Variants in WSB2 observed in about 807,000 individuals in gnomAD.
WSB2 encodes WD repeat and SOCS box containing 2, also known as WD repeat and SOCS box-containing protein 2.
Under a neutral mutation model 48.8 loss-of-function variants are expected in WSB2, and 12 were observed. The observed-to-expected ratio is 0.25, with a 90% CI of 0.16 to 0.40. The LOEUF is 0.40. WSB2 is among the 10% of genes least tolerant of loss of function. The pLI, the probability that WSB2 is intolerant of heterozygous loss-of-function variation, is 1.00. For missense variants in WSB2, 317 were observed against 506.2 expected (o/e 0.63, Z 3.59); for synonymous variants, 191 against 203.1 (o/e 0.94, Z 0.51).
chr12:118,055,313 G>A (rs1027223212), intron 1 of WSB2, among the ~76,000 whole-genome samples: 38 of 152,112 alleles, frequency 2.5e-4, no homozygotes, highest in Non-Finnish European at 1.6e-4. Context: ...ACTCTACAGC[G>A]CACAGGACAG....
intron 1 of WSB2, among the ~76,000 whole-genome samples, chr12:118,059,063 C>T (rs1474230402): frequency 1.3e-5 from 2 of 152,134 alleles, no homozygotes; most frequent in Non-Finnish European, 2.9e-5. Flanking sequence ...TGAACCCACC[C>T]AAACTTGCCA....
At position 118,034,118 on chromosome 12, in the gene WSB2, G is replaced by GTT. The variant is rs1269546567; in HGVS notation, c.*76_*77dup. On this transcript the variant is annotated 3_prime_UTR_variant, in exon 9 of 9. Transcript: ENST00000315436. Reference sequence around the variant, plus strand: ...ATGCTATTTCAATGCAAGACCAGATGTTTGGCCCATTATTCCAGCAACTCC... The same window carrying GTT: ...ATGCTATTTCAATGCAAGACCAGATGTTTTTGGCCCATTATTCCAGCAACTCC... 3 of 1,567,212 alleles carry GTT rather than the reference G, an allele frequency of 1.9e-6. No individual in the cohort carries two copies. Among genetic ancestry groups the GTT allele is most frequent in the African/African-American group, 2.7e-5 (2 of 73,812 alleles).
chr12:118,036,313 G>A, intron 6 of WSB2, 25 bp downstream of exon 6: 2 of 1,603,726 alleles, frequency 1.2e-6, no homozygotes. Context: ...CCACAAAAAA[G>A]TCATAGCAGG....
intron 6 of WSB2, 46 bp from the exon 7 acceptor site, chr12:118,035,370 T>A: frequency 6.5e-7 from 1 of 1,541,084 alleles, no homozygotes; most frequent in Non-Finnish European, 9.0e-7. Context: ...TGATGGCTGC[T>A]CTCCACCCTC....
intron 4 of WSB2, among the ~76,000 whole-genome samples, chr12:118,038,956 A>T (rs1466108037): frequency 6.6e-6 from 1 of 152,148 alleles, no homozygotes; most frequent in African/African-American, 2.4e-5. Flanking sequence ...AATTGCATTA[A>T]AGGTTTCCTC....
At chr12:118,055,607 CTTTTTTTTT>C (rs748354611) in intron 1 of WSB2, among the ~76,000 whole-genome samples, 2 of 81,678 alleles carry the variant, frequency 2.4e-5, no homozygotes, top group Admixed American at 1.8e-4. Context: ...CTACATTATC[CTTTTTTTTT>C]TTTTTTTTTT....
chr12:118,053,450 G>A (rs951478941), intron 1 of WSB2, among the ~76,000 whole-genome samples: 2 of 151,994 alleles, frequency 1.3e-5, no homozygotes, highest in South Asian at 2.1e-4. Context: ...CTATCAAAAC[G>A]GAAATAAGTC....
chr12:118,043,233 C>T lies in WSB2; in HGVS notation c.327G>A (p.Lys109=). 1 of 1,614,198 alleles carries T rather than the reference C, an allele frequency of 6.2e-7. No homozygotes were observed. Among genetic ancestry groups the T allele is most frequent in the South Asian group, 1.1e-5 (1 of 91,088 alleles). Residue 109 remains lysine, a synonymous_variant, in exon 3 of 9, where the codon AAG becomes AAA. Transcript: ENST00000315436. ...CTTGGGGGTGGTGGCGTGCCCAGAG[C>T]TTCCTGCTGGGTGGGGAAGGCCACG... is the stretch of plus-strand genomic sequence containing the variant. ...FSPWPSPPSR[K]LWARHHPQVP...
At position 118,060,869 on chromosome 12, in the gene WSB2, G is replaced by C. The variant is rs1231721446; in HGVS notation, c.13+167C>G. Among the ~76,000 whole-genome samples, 3 of 151,092 alleles carry C rather than the reference G, an allele frequency of 2.0e-5. No individual in the cohort carries two copies. Among genetic ancestry groups the C allele is most frequent in the East Asian group, 2.0e-4 (1 of 5,116 alleles). ...AAAGTGAAACAAAGCTGGTCGCCGGGCGCGCACCCCCGCCGGCCCCGCGCG... is the reference window on the plus strand; with the variant it reads ...AAAGTGAAACAAAGCTGGTCGCCGGCCGCGCACCCCCGCCGGCCCCGCGCG... On this transcript the variant is annotated intron_variant, in intron 1 of 8. Coordinates refer to ENST00000315436, the MANE Select transcript of WSB2 (RefSeq NM_018639.5). This position sits in a 1 kb window ranked among gnomAD's most constrained non-coding sequence, Gnocchi z 4.1.
chr12:118,036,327 T>TC lies in WSB2; in HGVS notation c.833+10dup. On this transcript the variant is annotated intron_variant, in intron 6 of 8. Coordinates refer to ENST00000315436, the MANE Select transcript of WSB2 (RefSeq NM_018639.5). Reference sequence around the variant, plus strand: ...CCCACAAAAAAGTCATAGCAGGGATTCAGTCCTTACTGGAGTGACCTCAGC... The same window carrying TC: ...CCCACAAAAAAGTCATAGCAGGGATTCCAGTCCTTACTGGAGTGACCTCAGC... 1.2e-6 allele frequency: 2 copies of TC among 1,610,624 alleles called. No individual in the cohort carries two copies. The highest frequency in any genetic ancestry group is 1.7e-6 in the Non-Finnish European group (2 of 1,177,652).
Position 118,048,419 on chromosome 12 carries a change from CT to C in WSB2, c.182+3890del. Reference sequence around the variant, plus strand: ...CCTGGGCAACATGGTGAAAACTTGTCTCTTCTAAAAATACAAAAAAATTAGC... The same window carrying C: ...CCTGGGCAACATGGTGAAAACTTGTCCTTCTAAAAATACAAAAAAATTAGC... On this transcript the variant is annotated intron_variant, in intron 2 of 8. Coordinates refer to ENST00000315436, the MANE Select transcript of WSB2 (RefSeq NM_018639.5). 3.9e-5 allele frequency among the ~76,000 whole-genome samples: 6 copies of C among 151,948 alleles called. No individual in the cohort carries two copies. In the East Asian group the frequency reaches 7.8e-4, roughly 20 times the overall value.
chr12:118,038,428 C>A, intron 4 of WSB2, 40 bp from the exon 5 acceptor site: 2 of 1,592,080 alleles, frequency 1.3e-6, no homozygotes, highest in East Asian at 2.2e-5. Flanking sequence ...CAGTCCTCAA[C>A]AAAGCAGGAA....
At chr12:118,047,226 G>A (rs1055218369) in intron 2 of WSB2, among the ~76,000 whole-genome samples, 2 of 152,088 alleles carry the variant, frequency 1.3e-5, no homozygotes, top group African/African-American at 4.8e-5. Flanking sequence ...CTTTCCTGGG[G>A]TCACAAAATC....
chr12:118,048,159 C>A (rs2031780310), intron 2 of WSB2, among the ~76,000 whole-genome samples: 1 of 152,104 alleles, frequency 6.6e-6, no homozygotes, highest in African/African-American at 2.4e-5. Flanking sequence ...GAACTCCTAG[C>A]CTCAAGTGAT....
At position 118,042,926 on chromosome 12, in the gene WSB2, A is replaced by C; in HGVS notation, c.474T>G (p.Asp158Glu). 2 of 1,614,170 alleles carry C rather than the reference A, an allele frequency of 1.2e-6. No individual in the cohort carries two copies. Among genetic ancestry groups the C allele is most frequent in the Non-Finnish European group, 1.7e-6 (2 of 1,180,034 alleles). Residue 158 changes from aspartate to glutamate, a missense_variant, in exon 4 of 9, where the codon GAT becomes GAG. Coordinates refer to ENST00000315436, the MANE Select transcript of WSB2 (RefSeq NM_018639.5). ...AACTGCCACTGGGTGTGAAGCTCAG[A>C]TCTCTCACGACATCTTGGTGGCCGG... is the stretch of plus-strand genomic sequence containing the variant. ...NLSGHQDVVRDLSFTPSGSLI... is the reference protein window; with the variant it reads ...NLSGHQDVVRELSFTPSGSLI...
rs368295246 is a variant in WSB2 at position 118,039,063 on chromosome 12, AAG to A, written c.560-677_560-676del. On this transcript the variant is annotated intron_variant, in intron 4 of 8. Coordinates refer to ENST00000315436, the MANE Select transcript of WSB2 (RefSeq NM_018639.5). ...ACCCTGAAGCATCATTCCCAATTTT[AAG>A]AGAGTGTTTATCTTCATTTAAACTC... 2.2e-3 allele frequency among the ~76,000 whole-genome samples: 334 copies of A among 152,264 alleles called. 1 individual carries two copies. The highest frequency in any genetic ancestry group is 3.0e-3 in the Non-Finnish European group (207 of 68,028).
At chr12:118,050,631 C>CCT (rs200814476) in intron 2 of WSB2, among the ~76,000 whole-genome samples, 8 of 150,628 alleles carry the variant, frequency 5.3e-5, no homozygotes, top group Admixed American at 1.3e-4. Flanking sequence ...AGAGCAAGAC[C>CCT]CTCTCTCTCT....
At chr12:118,044,751 G>A (rs947986609) in intron 2 of WSB2, among the ~76,000 whole-genome samples, 3 of 152,092 alleles carry the variant, frequency 2.0e-5, no homozygotes, top group Admixed American at 6.6e-5. Flanking sequence ...GCACTTGGCC[G>A]GCCCTGGGGT....
intron 2 of WSB2, among the ~76,000 whole-genome samples, chr12:118,050,588 G>A (rs1424058633): frequency 2.0e-5 from 3 of 152,072 alleles, no homozygotes; most frequent in Non-Finnish European, 2.9e-5. Flanking sequence ...GCAGTGAGCC[G>A]TGACTGAGCT....
Sources: allele counts gnomAD v4.1 joint callset (sites outside exome capture counted in the v4.1 genomes callset), GRCh38; gene constraint gnomAD v4.1.1; non-coding constraint Gnocchi (gnomAD v3.1); transcripts MANE v1.5; gene names NCBI Gene and HGNC (gene_info 2026-07-23, HGNC 2026-07-21).